Variants in GPHN observed in about 807,000 individuals in gnomAD.
GPHN encodes gephyrin.
In GPHN, 17 loss-of-function variants were observed where a neutral mutation model predicts 95.5. That is an observed-to-expected ratio of 0.18 (90% confidence interval 0.12 to 0.27). The LOEUF (loss-of-function observed/expected upper bound fraction) is 0.27. Ranked by LOEUF, GPHN falls within the 10% of genes least tolerant of loss-of-function variation. The pLI is 1.00. For synonymous variants in GPHN, 320 were observed against 322.5 expected (o/e 0.99, Z 0.08); for missense variants, 660 against 978.1 (o/e 0.67, Z 4.34).
chr14:67,544,492 GA>G, the GPHN span, among the ~76,000 whole-genome samples: 2 of 152,108 alleles, frequency 1.3e-5, no homozygotes, highest in African/African-American at 4.8e-5. Flanking sequence ...AATACTTGAG[GA>G]AATAATCTAC....
At chr14:66,718,054 G>A (rs118078922) in intron 2 of GPHN, among the ~76,000 whole-genome samples, 1,828 of 152,280 alleles carry the variant, frequency 0.012, 19 homozygotes, top group Non-Finnish European at 0.018. Context: ...GAGGTGGGTG[G>A]GGCCCTAGAA....
intron 5 of GPHN, among the ~76,000 whole-genome samples, chr14:66,900,497 A>G (rs1038413565): frequency 6.6e-6 from 1 of 150,410 alleles, no homozygotes; most frequent in African/African-American, 2.4e-5. Flanking sequence ...TTCTTCTATC[A>G]AACTTCATAT....
intron 2 of GPHN, chr14:66,760,932 G>A: frequency 1.1e-6 from 1 of 923,570 alleles, no homozygotes. Context: ...TCTTATCCGA[G>A]CCTCTTTTGC....
At chr14:66,777,280 T>A (rs1188702053) in intron 3 of GPHN, among the ~76,000 whole-genome samples, 1 of 152,112 alleles carries the variant, frequency 6.6e-6, no homozygotes, top group Non-Finnish European at 1.5e-5. Flanking sequence ...CAGGAAGAAG[T>A]TGAATCTCTG....
chr14:67,263,897 T>C, the GPHN span, among the ~76,000 whole-genome samples: 1 of 152,184 alleles, frequency 6.6e-6, no homozygotes, highest in African/African-American at 2.4e-5. Context: ...TAATTCTTTC[T>C]ATTTTTTTAG....
chr14:66,873,863 A>C (rs1441262058), intron 4 of GPHN, among the ~76,000 whole-genome samples: 2 of 152,170 alleles, frequency 1.3e-5, no homozygotes, highest in African/African-American at 4.8e-5. Flanking sequence ...GCCAGCTCCT[A>C]AGAGAGCAGC....
chr14:67,695,860 C>T, the GPHN span: 7 of 642,116 alleles, frequency 1.1e-5, no homozygotes, highest in Non-Finnish European at 1.9e-5. Context: ...AGGCTGGCTA[C>T]GTGGGAGCGC....
chr14:67,715,696 A>G, the GPHN span, among the ~76,000 whole-genome samples: 5 of 152,200 alleles, frequency 3.3e-5, no homozygotes, highest in African/African-American at 1.2e-4. Context: ...ATTTACTTCT[A>G]TTGGAATCCA....
the GPHN span, chr14:67,388,357 T>C: frequency 9.6e-7 from 1 of 1,045,334 alleles, no homozygotes; most frequent in Non-Finnish European, 1.5e-6. Flanking sequence ...AAGGGAAGAG[T>C]TGCACTCCCC....
intron 9 of GPHN, among the ~76,000 whole-genome samples, chr14:66,992,668 GT>G (rs1320023268): frequency 1.3e-5 from 2 of 152,044 alleles, no homozygotes; most frequent in East Asian, 3.9e-4. Flanking sequence ...CTTTAGGGGG[GT>G]TTTGTACTTT....
rs1053466838 is a variant in GPHN at position 66,583,879 on chromosome 14, G to C, written c.64+75288G>C. On this transcript the variant is annotated intron_variant, in intron 1 of 22. Transcript: ENST00000478722. ...GACTTGGCAATGCGGGCTCTTTTTT[G>C]GTTCCATATGAACTTTAAAGTAGTT... is the stretch of plus-strand genomic sequence containing the variant. Among the ~76,000 whole-genome samples the C allele has an allele frequency of 2.5e-4, 38 of 151,916 alleles. 1 individual carries two copies. Among genetic ancestry groups the C allele is most frequent in the African/African-American group, 8.9e-4 (37 of 41,482 alleles).
At chr14:66,794,852 A>T (rs2060100286) in intron 3 of GPHN, among the ~76,000 whole-genome samples, 1 of 152,186 alleles carries the variant, frequency 6.6e-6, no homozygotes, top group Non-Finnish European at 1.5e-5. Context: ...CATTTTTATT[A>T]ATTTTATCAA....
chr14:67,589,653 C>T, the GPHN span: 2 of 989,488 alleles, frequency 2.0e-6, no homozygotes, highest in East Asian at 1.1e-4. Flanking sequence ...CTAACCAGTA[C>T]TGAAGGGCTT....
chr14:67,590,171 C>T, the GPHN span: 6 of 1,549,488 alleles, frequency 3.9e-6, no homozygotes, highest in Admixed American at 9.8e-5. Flanking sequence ...GGGCTTGGCA[C>T]TCTGAATTCC....
In GPHN at chr14:66,777,674, C is replaced by A. The variant is rs190921562; in HGVS notation, c.201+1153C>A. Among the ~76,000 whole-genome samples the A allele has an allele frequency of 7.0e-3, 1,068 of 152,190 alleles. 4 individuals are homozygous for A. The highest frequency in any genetic ancestry group is 0.025 in the African/African-American group (1,020 of 41,516). On this transcript the variant is annotated intron_variant, in intron 3 of 22. Transcript: ENST00000478722. ...GGATGCAAGGCTGGTTCAATTTACGCAAATCAATAAATGTAATCCAGCATA... is the reference window on the plus strand; with the variant it reads ...GGATGCAAGGCTGGTTCAATTTACGAAAATCAATAAATGTAATCCAGCATA...
chr14:67,585,245 G>T, the GPHN span: 2 of 224,326 alleles, frequency 8.9e-6, no homozygotes, highest in Non-Finnish European at 1.7e-5. Context: ...GAGCAGCTAG[G>T]GCTGGCCTCT....
At chr14:66,793,246 C>G (rs2060038072) in intron 3 of GPHN, among the ~76,000 whole-genome samples, 4 of 152,180 alleles carry the variant, frequency 2.6e-5, no homozygotes, top group Admixed American at 2.6e-4. Flanking sequence ...TATTTCTTGT[C>G]CTTTTTCTCC....
intron 9 of GPHN, among the ~76,000 whole-genome samples, chr14:66,970,088 T>G (rs910589862): frequency 3.0e-4 from 44 of 148,908 alleles, no homozygotes; most frequent in Admixed American, 6.7e-4. Context: ...AAGTTGTGTT[T>G]TTTTTTTTTT....
At chr14:66,831,382 C>T (rs934253369) in intron 4 of GPHN, among the ~76,000 whole-genome samples, 2 of 152,056 alleles carry the variant, frequency 1.3e-5, no homozygotes, top group Admixed American at 1.3e-4. Flanking sequence ...AAATTGCTTA[C>T]AAAGCAGAAT....
Sources: allele counts gnomAD v4.1 joint callset (sites outside exome capture counted in the v4.1 genomes callset), GRCh38; gene constraint gnomAD v4.1.1; transcripts MANE v1.5; gene names NCBI Gene and HGNC (gene_info 2026-07-23, HGNC 2026-07-21).